ZNF419: variants seen among roughly 807,000 people sequenced by gnomAD.
ZNF419 encodes the protein zinc finger protein 419.
A neutral mutation model predicts 14.9 loss-of-function variants in ZNF419; 8 were observed. The observed-to-expected ratio is 0.54, with a 90% CI of 0.32 to 0.97. ZNF419 has a LOEUF of 0.97. ZNF419 is among the 50% of genes least tolerant of loss of function. ZNF419 has a pLI of 0.04. For missense variants in ZNF419, 595 were observed against 607.2 expected (o/e 0.98, Z 0.21); for synonymous variants, 211 against 205.3 (o/e 1.03, Z -0.24).
At chr19:57,489,484 CTTTTTTTTTTTT>C (rs10602834) in intron 1 of ZNF419, 2 of 85,430 alleles carry the variant, frequency 2.3e-5, no homozygotes. Flanking sequence ...TTCTTTCTTT[CTTTTTTTTTTTT>C]TTTTTTTTTT....
At chr19:57,488,153 G>C (rs2089401103) in intron 1 of ZNF419, 170 bp downstream of exon 1, 2 of 1,052,520 alleles carry the variant, frequency 1.9e-6, no homozygotes, top group South Asian at 3.2e-5. Flanking sequence ...GCAAAGATGT[G>C]AGGCGCATTC....
At position 57,493,009 on chromosome 19, in the gene ZNF419, A is replaced by G. The variant is rs373773514; in HGVS notation, c.452A>G (p.Lys151Arg). The change falls in exon 5 of 5, where the codon AAA becomes AGA. Residue 151 changes from lysine (K) to arginine (R), a missense_variant. Coordinates refer to ENST00000221735, the MANE Select transcript of ZNF419 (RefSeq NM_024691.4). ...EGRVPVLRSC[K>R]VHLSEKSLQS... ...AGGGTCCCAGTTTTGAGGAGTTGCA[A>G]AGTTCACCTATCAGAGAAGTCCTTG... The G allele has an allele frequency of 8.1e-6, 13 of 1,614,024 alleles. No individual in the cohort carries two copies. The highest frequency in any genetic ancestry group is 2.2e-5 in the East Asian group (1 of 44,898).
intron 1 of ZNF419, 100 bp downstream of exon 1, chr19:57,488,083 G>A (rs1326159979): frequency 1.9e-6 from 3 of 1,550,864 alleles, no homozygotes; most frequent in Non-Finnish European, 2.6e-6. Flanking sequence ...TTCGTGCGCG[G>A]CGTCCCGTTT....
chr19:57,489,625 G>T, intron 1 of ZNF419: 1 of 153,348 alleles, frequency 6.5e-6, no homozygotes, highest in Non-Finnish European at 1.4e-5. Flanking sequence ...GAGTAGCTGG[G>T]ATTACAGGCA....
intron 4 of ZNF419, 151 bp from the exon 5 acceptor site, chr19:57,492,705 C>G: frequency 1.8e-6 from 2 of 1,105,506 alleles, no homozygotes; most frequent in Non-Finnish European, 2.8e-6. Context: ...CAGCACTGCA[C>G]AGCAGGCCCT....
At position 57,495,128 on chromosome 19, in the gene ZNF419, T is replaced by C. The variant is rs2089593092; in HGVS notation, c.*1038T>C. 4 of 152,206 alleles carry C rather than the reference T, an allele frequency of 2.6e-5. No homozygotes were observed. Among genetic ancestry groups the C allele is most frequent in the Admixed American group, 1.3e-4 (2 of 15,282 alleles). The allele number at this position is 152,206 out of a possible 1,614,324, so 9.4% of individuals were successfully genotyped here. On this transcript the variant is annotated 3_prime_UTR_variant, in exon 5 of 5. Transcript: ENST00000221735. ...AATTCCTTATTTGATATAAGCATTG[T>C]CAATATTTTCTCATGGTCCATGGCT...
In ZNF419 at chr19:57,493,050, G is replaced by A; in HGVS notation, c.493G>A (p.Gly165Arg). Residue 165 changes from glycine to arginine, a missense_variant, in exon 5 of 5, where the codon GGG (glycine) becomes AGG (arginine). Gly to Arg is a moderately radical substitution (Grantham distance 125). Coordinates refer to ENST00000221735, the MANE Select transcript of ZNF419 (RefSeq NM_024691.4). ...GAAGTCCTTGCAAAGCAGGGAGGTT[G>A]GGAAGGCCCTCCTGATCAGCTCAGG... Reference protein sequence around the residue: ...SEKSLQSREVGKALLISSGVL... With the variant: ...SEKSLQSREVRKALLISSGVL... 1.9e-6 allele frequency: 3 copies of A among 1,614,052 alleles called. No individual in the cohort carries two copies. Among genetic ancestry groups the A allele is most frequent in the Non-Finnish European group, 2.5e-6 (3 of 1,179,984 alleles).
Position 57,487,999 on chromosome 19 carries a change from T to A in ZNF419, c.33+16T>A. 1 of 1,613,530 alleles carries A rather than the reference T, an allele frequency of 6.2e-7. No individual in the cohort carries two copies. The highest frequency in any genetic ancestry group is 8.5e-7 in the Non-Finnish European group (1 of 1,179,874). ...CCCCGCTCAGGTGAGCGCCGCGTCC[T>A]CCTGGCCTCCCCCGAATCCTAAAGC... On this transcript the variant is annotated intron_variant, in intron 1 of 4. Transcript: ENST00000221735.
intron 2 of ZNF419, 180 bp downstream of exon 2, chr19:57,490,365 T>A (rs943444070): frequency 1.5e-5 from 7 of 456,768 alleles, no homozygotes; most frequent in Non-Finnish European, 2.3e-5. Context: ...TTTTATTATT[T>A]TCTTTTAAGA....
At chr19:57,491,023 C>T (rs1402160740) in intron 2 of ZNF419, 5 of 169,612 alleles carry the variant, frequency 2.9e-5, no homozygotes, top group Non-Finnish European at 6.5e-5. Context: ...CTCTGGATGC[C>T]ATGTGTAGAC....
In ZNF419 at chr19:57,491,568, T is replaced by C; in HGVS notation, c.170T>C (p.Leu57Pro). ...AGGCTCCTCTACCGCAATGTGATGC[T>C]GGAGAACTTTACACTTCTGGCCTCT... ...AQRLLYRNVM[L>P]ENFTLLASLG... The change falls in exon 3 of 5, where the codon CTG becomes CCG. Residue 57 changes from leucine (L) to proline (P), a missense_variant. Coordinates refer to ENST00000221735, the MANE Select transcript of ZNF419 (RefSeq NM_024691.4). 5.0e-6 allele frequency: 8 copies of C among 1,614,104 alleles called. No homozygotes were observed. The highest frequency in any genetic ancestry group is 6.8e-6 in the Non-Finnish European group (8 of 1,179,996).
Position 57,494,133 on chromosome 19 carries a change from C to G in ZNF419, c.*43C>G. ...GCCAGCGTTTCAACCTCATTCAACA[C>G]CAGAAAGTTCACAGTGGAAAAAATC... On this transcript the variant is annotated 3_prime_UTR_variant, in exon 5 of 5. Transcript: ENST00000221735. 1 of 1,542,020 alleles carries G rather than the reference C, an allele frequency of 6.5e-7. No homozygotes were observed. The highest frequency in any genetic ancestry group is 8.7e-7 in the Non-Finnish European group (1 of 1,150,230).
intron 2 of ZNF419, chr19:57,491,122 A>G: frequency 3.3e-6 from 1 of 304,816 alleles, no homozygotes; most frequent in Non-Finnish European, 6.3e-6. Context: ...TAATAAGTGT[A>G]AACAGATGTC....
At chr19:57,490,017 G>A in intron 1 of ZNF419, 130 bp from the exon 2 acceptor site, 1 of 775,310 alleles carries the variant, frequency 1.3e-6, no homozygotes, top group Non-Finnish European at 2.2e-6. Context: ...CAACAGGTAA[G>A]AGGCATCACT....
At position 57,493,955 on chromosome 19, in the gene ZNF419, G is replaced by C; in HGVS notation, c.1398G>C (p.Glu466Asp). The change falls in exon 5 of 5, where the codon GAG (glutamate) becomes GAC (aspartate). Residue 466 changes from glutamate (E) to aspartate (D), a missense_variant. By Grantham distance (45) the Glu-to-Asp change is conservative. Transcript: ENST00000221735. ...KCNECGRLFR[E>D]NSSLVKHQRV... ...ATGAATGTGGGAGATTGTTTAGAGA[G>C]AATTCCAGCCTTGTTAAACATCAGA... is the stretch of plus-strand genomic sequence containing the variant. The C allele has an allele frequency of 1.9e-6, 3 of 1,613,960 alleles. No individual in the cohort carries two copies. The highest frequency in any genetic ancestry group is 1.7e-6 in the Non-Finnish European group (2 of 1,180,006).
rs200151148 is a variant in ZNF419 at position 57,492,927 on chromosome 19, A to G, written c.370A>G (p.Ile124Val). Residue 124 changes from isoleucine to valine, a missense_variant, in exon 5 of 5, where the codon ATT (isoleucine) becomes GTT (valine). Ile to Val is a conservative substitution (Grantham distance 29, BLOSUM62 3). Transcript: ENST00000221735. ...TTCTGTAGGACTGCTCAGTTCAAAC[A>G]TTCAGCAACACCAGAAGCAGCACTG... is the stretch of plus-strand genomic sequence containing the variant. ...IASVGLLSSN[I>V]QQHQKQHCGE... 2.5e-6 allele frequency: 4 copies of G among 1,614,206 alleles called. No individual in the cohort carries two copies. Among genetic ancestry groups the G allele is most frequent in the Non-Finnish European group, 3.4e-6 (4 of 1,180,028 alleles).
Position 57,495,261 on chromosome 19 carries a change from G to T in ZNF419, c.*1171G>T, listed in dbSNP as rs892793164. On this transcript the variant is annotated 3_prime_UTR_variant, in exon 5 of 5. Coordinates refer to ENST00000221735, the MANE Select transcript of ZNF419 (RefSeq NM_024691.4). ...GATCATCCTGCCTCAGCCTCCCAAA[G>T]TGCTGGGATTACAGGCATGAGCCAC... 3.9e-5 allele frequency: 6 copies of T among 152,174 alleles called. No individual in the cohort carries two copies. Among genetic ancestry groups the T allele is most frequent in the Non-Finnish European group, 8.8e-5 (6 of 68,066 alleles). The allele number at this position is 152,174 out of a possible 1,614,324, so 9.4% of individuals were successfully genotyped here. A position where few individuals can be genotyped will look rare whatever the true frequency, so the allele number is the denominator to read the frequency against.
At chr19:57,491,707 T>C (rs1333724508) in intron 3 of ZNF419, 110 bp downstream of exon 3, 2 of 1,429,442 alleles carry the variant, frequency 1.4e-6, no homozygotes, top group Non-Finnish European at 1.9e-6. Context: ...ACTCATTCCT[T>C]CTCCAGTATC....
In ZNF419 at chr19:57,493,250, T is replaced by C. The variant is rs2089537857; in HGVS notation, c.693T>C (p.Tyr231=). The change falls in exon 5 of 5, where the codon TAT becomes TAC. Residue 231 remains tyrosine, a synonymous_variant. Coordinates refer to ENST00000221735, the MANE Select transcript of ZNF419 (RefSeq NM_024691.4). ...GACTACATGCTGGGAAAAAGACGTATGAATGCAGTGAATGTGGGAAGTTAT... is the reference window on the plus strand; with the variant it reads ...GACTACATGCTGGGAAAAAGACGTACGAATGCAGTGAATGTGGGAAGTTAT... ...HQRLHAGKKT[Y]ECSECGKLFR... 6.2e-7 allele frequency: 1 copy of C among 1,614,256 alleles called. No individual in the cohort carries two copies. Among genetic ancestry groups the C allele is most frequent in the Non-Finnish European group, 8.5e-7 (1 of 1,180,050 alleles).
Sources: gnomAD v4.1 joint callset for allele counts on GRCh38, gnomAD v4.1.1 for gene constraint, MANE v1.5 for transcripts, NCBI Gene and HGNC (gene_info 2026-07-23, HGNC 2026-07-21) for gene names.